The following CFAP299 variants were observed in gnomAD, a reference collection of about 807,000 sequenced individuals.
CFAP299 encodes cilia and flagella associated protein 299.
A neutral mutation model predicts 27.0 loss-of-function variants in CFAP299; 21 were observed. The observed-to-expected ratio is 0.78, with a 90% CI of 0.55 to 1.12. The LOEUF is 1.12. Among genes scored for constraint, CFAP299 ranks in the 50% most tolerant of loss-of-function variants. The probability of loss-of-function intolerance (pLI) is 0.00; values close to 1 mark genes in which losing one functional copy is unlikely to be tolerated. For synonymous variants in CFAP299, 104 were observed against 98.1 expected (o/e 1.06, Z -0.36); for missense variants, 310 against 276.6 (o/e 1.12, Z -0.86).
chr4:80,512,240 G>GTGTGTGTGCA (rs1732343986), intron 2 of CFAP299, among the ~76,000 whole-genome samples: 2 of 151,870 alleles, frequency 1.3e-5, no homozygotes, highest in African/African-American at 4.8e-5. Flanking sequence ...GTGTGTGTGT[G>GTGTGTGTGCA]TGTGCATGTG....
intron 5 of CFAP299, among the ~76,000 whole-genome samples, chr4:80,946,614 T>C (rs1737491527): frequency 2.0e-5 from 3 of 152,208 alleles, no homozygotes; most frequent in South Asian, 4.1e-4. Context: ...AGTAGACAAC[T>C]GGCAGGTTCT....
At chr4:80,495,847 A>C (rs1242934140) in intron 2 of CFAP299, among the ~76,000 whole-genome samples, 1 of 152,160 alleles carries the variant, frequency 6.6e-6, no homozygotes, top group African/African-American at 2.4e-5. Flanking sequence ...CCCTCTGGCA[A>C]CCCAAATAAG....
At position 80,755,542 on chromosome 4, in the gene CFAP299, C is replaced by A. The variant is rs926879138; in HGVS notation, c.334-114451C>A. Among the ~76,000 whole-genome samples the A allele has an allele frequency of 3.9e-5, 6 of 152,076 alleles. No homozygotes were observed. In the South Asian group the frequency reaches 1.2e-3, roughly 32 times the overall value. ...TTTGACTATTAAATTCACCCTTTAC[C>A]CTTCAGGGTAATAAGTGGATAATAA... On this transcript the variant is annotated intron_variant, in intron 3 of 5. Transcript: ENST00000358105.
intron 2 of CFAP299, among the ~76,000 whole-genome samples, chr4:80,419,557 C>A (rs570383361): frequency 4.2e-4 from 64 of 152,224 alleles, no homozygotes; most frequent in Non-Finnish European, 8.7e-4. Context: ...TTTTTTCTAC[C>A]TATTGGAAGC....
intron 3 of CFAP299, among the ~76,000 whole-genome samples, chr4:80,584,451 T>C (rs1284955434): frequency 1.3e-5 from 2 of 151,984 alleles, no homozygotes; most frequent in Non-Finnish European, 2.9e-5. Context: ...AAAATACTAG[T>C]TAAAAATTAG....
At chr4:80,531,517 T>A (rs779820758) in intron 2 of CFAP299, among the ~76,000 whole-genome samples, 1 of 152,196 alleles carries the variant, frequency 6.6e-6, no homozygotes, top group Non-Finnish European at 1.5e-5. Context: ...ATTATACTTC[T>A]AAATTTCCAT....
intron 2 of CFAP299, among the ~76,000 whole-genome samples, chr4:80,397,231 C>G (rs2110044150): frequency 6.6e-6 from 1 of 152,166 alleles, no homozygotes; most frequent in Admixed American, 6.6e-5. Flanking sequence ...GTAATATCCC[C>G]TTTATCATTT....
chr4:80,673,316 G>A (rs557001852), intron 3 of CFAP299, among the ~76,000 whole-genome samples: 4 of 152,238 alleles, frequency 2.6e-5, no homozygotes, highest in South Asian at 2.1e-4. Context: ...GTAGTTGAGC[G>A]GTTTTGAGTG....
intron 3 of CFAP299, among the ~76,000 whole-genome samples, chr4:80,792,467 A>G (rs1727625842): frequency 6.6e-6 from 1 of 152,150 alleles, no homozygotes. Context: ...TTGGAGAAGG[A>G]AGAAATACAT....
intron 4 of CFAP299, among the ~76,000 whole-genome samples, chr4:80,937,266 TATC>T (rs1736937601): frequency 6.6e-6 from 1 of 151,000 alleles, no homozygotes; most frequent in Non-Finnish European, 1.5e-5. Flanking sequence ...CTTTTTTGGT[TATC>T]ATTGCATAGA....
At chr4:80,430,326 C>T (rs573812025) in intron 2 of CFAP299, among the ~76,000 whole-genome samples, 202 of 152,260 alleles carry the variant, frequency 1.3e-3, no homozygotes, top group African/African-American at 4.1e-3. Flanking sequence ...TTTGACTTGT[C>T]GGCAGCATTT....
intron 2 of CFAP299, among the ~76,000 whole-genome samples, chr4:80,505,516 C>A (rs954768089): frequency 2.4e-4 from 22 of 92,634 alleles, no homozygotes; most frequent in African/African-American, 1.4e-3. Context: ...TATAGATGCT[C>A]TTCTATAAAA....
intron 3 of CFAP299, among the ~76,000 whole-genome samples, chr4:80,859,598 C>G (rs955728626): frequency 6.6e-6 from 1 of 151,976 alleles, no homozygotes; most frequent in Non-Finnish European, 1.5e-5. Flanking sequence ...TCTTTTAGGG[C>G]AGGCCTGGTG....
In CFAP299 at chr4:80,948,167, T is replaced by C. The variant is rs1318826513; in HGVS notation, c.606+3228T>C. ...GAAACAGTGATAAACAGGATGTGTT[T>C]ACTTTGTCCAACACAGATGTGGACT... On this transcript the variant is annotated intron_variant, in intron 5 of 5. Coordinates refer to ENST00000358105, the MANE Select transcript of CFAP299 (RefSeq NM_152770.3). Among the ~76,000 whole-genome samples, 4 of 152,174 alleles carry C rather than the reference T, an allele frequency of 2.6e-5. No individual in the cohort carries two copies. In the South Asian group the frequency reaches 6.2e-4, roughly 24 times the overall value.
At chr4:80,928,963 A>AC (rs1194179546) in intron 4 of CFAP299, among the ~76,000 whole-genome samples, 2 of 151,990 alleles carry the variant, frequency 1.3e-5, no homozygotes, top group Non-Finnish European at 2.9e-5. Flanking sequence ...GACCTTACAC[A>AC]TTTCTTCAAT....
intron 2 of CFAP299, among the ~76,000 whole-genome samples, chr4:80,576,218 A>G (rs1735856743): frequency 6.7e-6 from 1 of 148,754 alleles, no homozygotes; most frequent in Non-Finnish European, 1.5e-5. Flanking sequence ...ATATATATAT[A>G]AAATCTCTTT....
At chr4:80,473,098 C>T (rs763787489) in intron 2 of CFAP299, among the ~76,000 whole-genome samples, 3 of 151,978 alleles carry the variant, frequency 2.0e-5, no homozygotes, top group Non-Finnish European at 4.4e-5. Flanking sequence ...GCAAGTAGAT[C>T]ATTACAATAC....
At chr4:80,824,049 T>C (rs1729850592) in intron 3 of CFAP299, among the ~76,000 whole-genome samples, 1 of 152,194 alleles carries the variant, frequency 6.6e-6, no homozygotes, top group Admixed American at 6.5e-5. Flanking sequence ...GATATTTATT[T>C]GGAATGACAT....
chr4:80,721,445 C>T (rs1295966144), intron 3 of CFAP299, among the ~76,000 whole-genome samples: 1 of 152,162 alleles, frequency 6.6e-6, no homozygotes, highest in African/African-American at 2.4e-5. Context: ...GTCTTAACAT[C>T]ATCTTCCCTC....
Sources: allele counts gnomAD v4.1 joint callset (sites outside exome capture counted in the v4.1 genomes callset), GRCh38; gene constraint gnomAD v4.1.1; transcripts MANE v1.5; gene names NCBI Gene and HGNC (gene_info 2026-07-23, HGNC 2026-07-21).